PTPRM: variants seen among roughly 807,000 people sequenced by gnomAD.
The protein encoded by PTPRM is protein tyrosine phosphatase receptor type M, also known as receptor-type tyrosine-protein phosphatase mu.
In PTPRM, 47 loss-of-function variants were observed where a neutral mutation model predicts 186.7. That is an observed-to-expected ratio of 0.25 (90% CI 0.20 to 0.32). The LOEUF (loss-of-function observed/expected upper bound fraction) is 0.32. Among genes scored for constraint, PTPRM ranks in the 10% least tolerant of loss-of-function variants. The probability of loss-of-function intolerance (pLI) is 1.00; values close to 1 mark genes in which losing one functional copy is unlikely to be tolerated. For synonymous variants in PTPRM, 668 were observed against 674.9 expected (o/e 0.99, Z 0.16); for missense variants, 1,494 against 1,865.0 (o/e 0.80, Z 3.66).
intron 9 of PTPRM, among the ~76,000 whole-genome samples, chr18:8,084,349 A>G (rs570334883): frequency 5.9e-5 from 9 of 152,300 alleles, no homozygotes; most frequent in African/African-American, 1.9e-4. Flanking sequence ...CAGCGGTTAC[A>G]TCGCTGACGT....
rs148439575 is a variant in PTPRM, at chr18:8,013,149, A to T, written c.1133-56537A>T. On this transcript the variant is annotated intron_variant, in intron 7 of 32. Transcript: ENST00000580170. ...CAGGTTCAGTTTCACCAGCATAAAA[A>T]CCTTCAAAAAGCAGTATGAAAATAG... Among the ~76,000 whole-genome samples the T allele has an allele frequency of 1.8e-4, 27 of 152,268 alleles. No individual in the cohort carries two copies. The East Asian group carries it at 5.0e-3, about 28-fold the overall frequency.
intron 3 of PTPRM, among the ~76,000 whole-genome samples, chr18:7,891,159 G>A (rs1216344139): frequency 3.3e-5 from 5 of 151,548 alleles, no homozygotes; most frequent in South Asian, 2.1e-4. Context: ...GGTGGCGTGT[G>A]CCTGTAGTTG....
At chr18:7,583,158 A>C (rs2036889549) in intron 1 of PTPRM, among the ~76,000 whole-genome samples, 1 of 152,162 alleles carries the variant, frequency 6.6e-6, no homozygotes, top group Non-Finnish European at 1.5e-5. Context: ...CCTCAGCCCC[A>C]GTTTTTCTTC....
intron 1 of PTPRM, among the ~76,000 whole-genome samples, chr18:7,613,432 T>G (rs1250437246): frequency 6.6e-6 from 1 of 152,144 alleles, no homozygotes; most frequent in Non-Finnish European, 1.5e-5. Context: ...CCCAGCAGTT[T>G]GGGAGGCCTA....
chr18:7,973,435 G>C (rs1049759917), intron 7 of PTPRM, among the ~76,000 whole-genome samples: 1 of 151,992 alleles, frequency 6.6e-6, no homozygotes, highest in Admixed American at 6.6e-5. Flanking sequence ...TCAATTTATT[G>C]GTTTTTAAAT....
At chr18:8,182,824 A>G (rs1041208035) in intron 14 of PTPRM, among the ~76,000 whole-genome samples, 8 of 152,186 alleles carry the variant, frequency 5.3e-5, no homozygotes, top group African/African-American at 1.9e-4. Flanking sequence ...ATAATCTATC[A>G]TCTTTCCCTG....
At chr18:7,845,942 C>G (rs1359532748) in intron 2 of PTPRM, among the ~76,000 whole-genome samples, 1 of 152,170 alleles carries the variant, frequency 6.6e-6, no homozygotes, top group East Asian at 1.9e-4. Context: ...ACAGGCTCAG[C>G]AAAGGCCTCT....
At chr18:7,865,938 T>A (rs2047666483) in intron 2 of PTPRM, among the ~76,000 whole-genome samples, 1 of 152,200 alleles carries the variant, frequency 6.6e-6, no homozygotes, top group African/African-American at 2.4e-5. Flanking sequence ...CAGTAATTTA[T>A]CCATTTCTTC....
intron 2 of PTPRM, among the ~76,000 whole-genome samples, chr18:7,858,934 A>G (rs1247939143): frequency 6.6e-6 from 1 of 152,246 alleles, no homozygotes; most frequent in Non-Finnish European, 1.5e-5. Flanking sequence ...GATTTGATTT[A>G]CTTGTTACTG....
At chr18:8,230,983 C>T (rs2094279642) in intron 14 of PTPRM, among the ~76,000 whole-genome samples, 1 of 152,202 alleles carries the variant, frequency 6.6e-6, no homozygotes, top group South Asian at 2.1e-4. Context: ...GCTCCTACTG[C>T]AGCCCTTAAT....
intron 3 of PTPRM, among the ~76,000 whole-genome samples, chr18:7,898,909 G>T (rs1157977951): frequency 1.3e-5 from 2 of 152,174 alleles, no homozygotes; most frequent in Non-Finnish European, 1.5e-5. Flanking sequence ...GAAATATGGG[G>T]TTAGGTTCCT....
At chr18:7,894,563 G>T (rs1033731456) in intron 3 of PTPRM, among the ~76,000 whole-genome samples, 1 of 151,922 alleles carries the variant, frequency 6.6e-6, no homozygotes, top group African/African-American at 2.4e-5. Flanking sequence ...TCCAGCCTAG[G>T]GGGCAGAGCA....
chr18:7,716,780 A>G (rs905040011), intron 1 of PTPRM, among the ~76,000 whole-genome samples: 9 of 152,240 alleles, frequency 5.9e-5, no homozygotes, highest in African/African-American at 2.2e-4. Context: ...ACAATGAGAT[A>G]CCATCTCATA....
intron 20 of PTPRM, among the ~76,000 whole-genome samples, chr18:8,307,098 G>A (rs1392191185): frequency 1.3e-5 from 2 of 152,214 alleles, no homozygotes; most frequent in African/African-American, 4.8e-5. Context: ...AGAATCTGCA[G>A]TTTCTGTGCC....
intron 1 of PTPRM, among the ~76,000 whole-genome samples, chr18:7,709,557 C>T (rs2144769410): frequency 6.6e-6 from 1 of 151,778 alleles, no homozygotes; most frequent in East Asian, 1.9e-4. Flanking sequence ...ACAGCAAAGA[C>T]CAGAGCAGAA....
At chr18:7,955,544 C>A in intron 7 of PTPRM, 130 bp downstream of exon 7, 1 of 1,080,238 alleles carries the variant, frequency 9.3e-7, no homozygotes, top group Non-Finnish European at 1.3e-6. Context: ...CAGAAAATGC[C>A]CTTAGCCTGT....
intron 19 of PTPRM, among the ~76,000 whole-genome samples, chr18:8,285,031 T>C (rs2094940899): frequency 6.6e-6 from 1 of 152,162 alleles, no homozygotes; most frequent in African/African-American, 2.4e-5. Flanking sequence ...GCCCCTTCCC[T>C]TGTGGAGTTT....
chr18:8,027,468 A>T (rs1341322326), intron 7 of PTPRM, among the ~76,000 whole-genome samples: 3 of 152,210 alleles, frequency 2.0e-5, no homozygotes, highest in East Asian at 3.9e-4. Flanking sequence ...TTTATATGGA[A>T]ATGTGTACAC....
chr18:8,219,233 C>T (rs1035063135), intron 14 of PTPRM, among the ~76,000 whole-genome samples: 2 of 152,100 alleles, frequency 1.3e-5, no homozygotes, highest in Admixed American at 6.5e-5. Context: ...TTTGGGAGGC[C>T]GAGACGGGTG....
Sources: allele counts gnomAD v4.1 joint callset (sites outside exome capture counted in the v4.1 genomes callset), GRCh38; gene constraint gnomAD v4.1.1; transcripts MANE v1.5; gene names NCBI Gene and HGNC (gene_info 2026-07-23, HGNC 2026-07-21).